Variants in ABCD2 observed in about 807,000 individuals in gnomAD.
ABCD2 encodes ATP binding cassette subfamily D member 2.
A neutral mutation model predicts 70.9 loss-of-function variants in ABCD2; 36 were observed. The ratio of observed to expected loss-of-function variants is 0.51; its 90% confidence interval spans 0.39 to 0.67. ABCD2 has a LOEUF of 0.67. Ranked by LOEUF, ABCD2 falls within the 30% of genes least tolerant of loss-of-function variation. ABCD2 has a pLI of 0.00. For synonymous variants in ABCD2, 304 were observed against 306.9 expected, an observed-to-expected ratio of 0.99 and a Z score of 0.10; for missense variants, 729 against 890.2, an observed-to-expected ratio of 0.82 and a Z score of 2.30.
At chr12:39,572,626 C>T (rs1017840852) in intron 9 of ABCD2, among the ~76,000 whole-genome samples, 7 of 152,258 alleles carry the variant, frequency 4.6e-5, no homozygotes, top group African/African-American at 1.7e-4. Context: ...TGTTTGCTAA[C>T]AATTTTAATG....
intron 4 of ABCD2, among the ~76,000 whole-genome samples, chr12:39,604,407 T>C (rs537244130): frequency 2.0e-5 from 3 of 150,622 alleles, no homozygotes; most frequent in Non-Finnish European, 4.5e-5. Flanking sequence ...TTTTAAAAAA[T>C]ATGTAACCAA....
Position 39,604,869 on chromosome 12 carries a change from A to C in ABCD2, c.1298T>G (p.Val433Gly). The C allele has an allele frequency of 6.2e-7, 1 of 1,612,580 alleles. No individual in the cohort carries two copies. Among genetic ancestry groups the C allele is most frequent in the Non-Finnish European group, 8.5e-7 (1 of 1,179,236 alleles). ...VYNMFWVFDEVKRGIYKRTAV... is the reference protein window; with the variant it reads ...VYNMFWVFDEGKRGIYKRTAV... The stretch of plus-strand genomic sequence containing the variant: ...AGTTCTCTTATAAATGCCTCTTTTT[A>C]CTTCATCAAAGACCCAAAACATATT... The change falls in exon 4 of 10, where the codon GTA becomes GGA. Residue 433 changes from valine to glycine, a missense_variant. By Grantham distance (109) the Val-to-Gly change is moderately radical. Around this residue, in one of 3 missense-constraint regions of ABCD2, gnomAD observed 195 missense variants for 300.2 expected, o/e 0.65. Coordinates refer to ENST00000308666, the MANE Select transcript of ABCD2 (RefSeq NM_005164.4).
At position 39,573,798 on chromosome 12, in the gene ABCD2, T is replaced by C; in HGVS notation, c.1921A>G (p.Ile641Val). 6.2e-7 allele frequency: 1 copy of C among 1,613,374 alleles called. No individual in the cohort carries two copies. Among genetic ancestry groups the C allele is most frequent in the Non-Finnish European group, 8.5e-7 (1 of 1,179,420 alleles). ...TGAAATATCTTTCCTTCGACATCAA[T>C]GCTGACAGCACTGGTACATTCATCC... ...LLDECTSAVS[I>V]DVEGKIFQAA... is the part of the protein sequence containing the mutation. The change falls in exon 9 of 10, where the codon ATT (isoleucine) becomes GTT (valine). Residue 641 changes from isoleucine to valine, a missense_variant. Ile to Val is a conservative substitution (Grantham distance 29). Around this residue, in one of 3 missense-constraint regions of ABCD2, gnomAD observed 289 missense variants for 328.8 expected, o/e 0.88. Transcript: ENST00000308666.
At chr12:39,543,661 C>A in the ABCD2 span, among the ~76,000 whole-genome samples, 37 of 152,296 alleles carry the variant, frequency 2.4e-4, no homozygotes, top group East Asian at 7.1e-3. Context: ...GAGAGAAAGT[C>A]CATACAATTT....
Position 39,607,582 on chromosome 12 carries a change from A to G in ABCD2, c.1236+17T>C, listed in dbSNP as rs774052498. 6.5e-7 allele frequency: 1 copy of G among 1,528,094 alleles called. No homozygotes were observed. Among genetic ancestry groups the G allele is most frequent in the Non-Finnish European group, 9.0e-7 (1 of 1,114,348 alleles). The allele number at this position is 1,528,094 out of a possible 1,614,324, so 94.7% of individuals were successfully genotyped here. A position where few individuals can be genotyped will look rare whatever the true frequency, so the allele number is the denominator to read the frequency against. ...AAATTTTATTTTAATTGAATTGACA[A>G]TAAGAAATGCAAGTACCTCTTTGTA... is the stretch of plus-strand genomic sequence containing the variant. On this transcript the variant is annotated intron_variant, in intron 3 of 9. Transcript: ENST00000308666.
chr12:39,570,356 C>G (rs1262631561), intron 9 of ABCD2, among the ~76,000 whole-genome samples: 1 of 152,096 alleles, frequency 6.6e-6, no homozygotes, highest in Non-Finnish European at 1.5e-5. Context: ...CTGTAGCAAC[C>G]CAAACAGCAT....
chr12:39,594,581 T>C (rs868377002), intron 6 of ABCD2, among the ~76,000 whole-genome samples: 63 of 152,298 alleles, frequency 4.1e-4, no homozygotes, highest in African/African-American at 1.5e-3. Context: ...AAAGAAAATA[T>C]AGATATCAAT....
intron 8 of ABCD2, among the ~76,000 whole-genome samples, chr12:39,577,064 A>G (rs1209851456): frequency 6.6e-6 from 1 of 151,984 alleles, no homozygotes; most frequent in Non-Finnish European, 1.5e-5. Flanking sequence ...TATTACCAAG[A>G]CTGGGAAAAA....
downstream of ABCD2, among the ~76,000 whole-genome samples, chr12:39,546,218 C>A (rs1432950518): frequency 1.3e-5 from 2 of 152,138 alleles, no homozygotes; most frequent in Non-Finnish European, 2.9e-5. Flanking sequence ...GGAGTGAGTG[C>A]ACTTTTTAAT....
chr12:39,586,672 A>G (rs1326883024), intron 6 of ABCD2, among the ~76,000 whole-genome samples: 4 of 152,178 alleles, frequency 2.6e-5, no homozygotes, highest in Admixed American at 2.0e-4. Context: ...CTGGGATTAC[A>G]GTTGTGAGCC....
At chr12:39,540,162 G>A in the ABCD2 span, among the ~76,000 whole-genome samples, 1 of 152,178 alleles carries the variant, frequency 6.6e-6, no homozygotes, top group East Asian at 1.9e-4. Context: ...ACATTTTAGT[G>A]ACTCTACGCC....
At chr12:39,580,060 TCA>T (rs1219464669) in intron 7 of ABCD2, among the ~76,000 whole-genome samples, 2 of 152,196 alleles carry the variant, frequency 1.3e-5, no homozygotes, top group African/African-American at 4.8e-5. Context: ...ATCATATATT[TCA>T]CAGTTTTGTA....
intron 9 of ABCD2, among the ~76,000 whole-genome samples, chr12:39,560,200 C>A (rs1179815723): frequency 1.3e-5 from 2 of 152,074 alleles, no homozygotes; most frequent in Non-Finnish European, 2.9e-5. Context: ...GTGATGTTCC[C>A]CTTCCTGTGT....
chr12:39,608,415 G>A lies in ABCD2; in HGVS notation c.1121-701C>T, dbSNP rs568976614. On this transcript the variant is annotated intron_variant, in intron 2 of 9. Transcript: ENST00000308666. ...AATGTACTACTGGGCGGCCAGGTGC[G>A]GTGGCTCATGCCTGTAGTCCTGGCA... 5.3e-5 allele frequency among the ~76,000 whole-genome samples: 8 copies of A among 152,100 alleles called. No homozygotes were observed. The South Asian group carries it at 1.7e-3, about 32-fold the overall frequency.
chr12:39,592,530 G>C (rs1353993907), intron 6 of ABCD2, among the ~76,000 whole-genome samples: 1 of 152,194 alleles, frequency 6.6e-6, no homozygotes, highest in Non-Finnish European at 1.5e-5. Context: ...ATCTATAAAA[G>C]TTTGTTCAAC....
intron 6 of ABCD2, among the ~76,000 whole-genome samples, chr12:39,597,049 G>A (rs1370842127): frequency 6.6e-6 from 1 of 152,060 alleles, no homozygotes; most frequent in Non-Finnish European, 1.5e-5. Context: ...TTCATGGTGG[G>A]TTGAATCCAA....
intron 7 of ABCD2, among the ~76,000 whole-genome samples, chr12:39,583,154 G>A (rs372101772): frequency 1.3e-5 from 2 of 152,140 alleles, no homozygotes; most frequent in Non-Finnish European, 2.9e-5. Context: ...GCTGCCGGAC[G>A]GGGCCAGCTA....
intron 7 of ABCD2, among the ~76,000 whole-genome samples, chr12:39,580,193 A>C (rs752223782): frequency 6.6e-5 from 10 of 152,150 alleles, no homozygotes; most frequent in Non-Finnish European, 1.5e-4. Context: ...TACCCTCCTC[A>C]GCCTTCCAAA....
chr12:39,595,614 T>C (rs1370665724), intron 6 of ABCD2, among the ~76,000 whole-genome samples: 1 of 152,216 alleles, frequency 6.6e-6, no homozygotes, highest in East Asian at 1.9e-4. Flanking sequence ...CAAGTAGTAT[T>C]TATATTTAAT....
Sources: allele counts gnomAD v4.1 joint callset (sites outside exome capture counted in the v4.1 genomes callset), GRCh38; gene constraint gnomAD v4.1.1; regional missense constraint gnomAD v4.1.1; transcripts MANE v1.5; gene names NCBI Gene and HGNC (gene_info 2026-07-23, HGNC 2026-07-21).